MYO18B: variants seen among roughly 807,000 people sequenced by gnomAD.
MYO18B encodes unconventional myosin-XVIIIb.
MYO18B carries 204 observed loss-of-function variants against 273.0 expected under a neutral mutation model. That is an observed-to-expected ratio of 0.75 (90% confidence interval 0.67 to 0.84). The LOEUF (loss-of-function observed/expected upper bound fraction) is 0.84. Ranked by LOEUF, MYO18B falls within the 40% of genes least tolerant of loss-of-function variation. MYO18B has a pLI of 0.00. For synonymous variants in MYO18B, 1,330 were observed against 1,305.7 expected (o/e 1.02, Z -0.40); for missense variants, 3,212 against 3,287.6 (o/e 0.98, Z 0.56).
chr22:25,763,573 C>T (rs1334053122), intron 3 of MYO18B, among the ~76,000 whole-genome samples, 184 bp downstream of exon 3: 3 of 152,228 alleles, frequency 2.0e-5, no homozygotes, highest in Non-Finnish European at 2.9e-5. Context: ...TCAAACAGCA[C>T]ATCTCTGGAA....
intron 22 of MYO18B, among the ~76,000 whole-genome samples, chr22:25,873,716 A>C (rs1480843008): frequency 6.6e-6 from 1 of 152,184 alleles, no homozygotes; most frequent in East Asian, 1.9e-4. Flanking sequence ...CTGGGATTAC[A>C]GGCATGAGCC....
intron 12 of MYO18B, among the ~76,000 whole-genome samples, chr22:25,808,689 G>A (rs1187320135): frequency 6.6e-6 from 1 of 152,156 alleles, no homozygotes; most frequent in Non-Finnish European, 1.5e-5. Context: ...ATGGGGTCTG[G>A]AACCAGGCTG....
chr22:25,800,820 AC>A (rs1208940230), intron 12 of MYO18B, among the ~76,000 whole-genome samples: 1 of 152,196 alleles, frequency 6.6e-6, no homozygotes, highest in East Asian at 1.9e-4. Flanking sequence ...GGGCTCAAGG[AC>A]CTGACCCATC....
At chr22:25,821,246 C>A (rs984592435) in intron 12 of MYO18B, among the ~76,000 whole-genome samples, 2 of 151,494 alleles carry the variant, frequency 1.3e-5, no homozygotes, top group Admixed American at 1.3e-4. Context: ...AAAGTTCCTA[C>A]TGCTCTCCAT....
the MYO18B span, among the ~76,000 whole-genome samples, chr22:26,061,214 T>C: frequency 1.3e-5 from 2 of 152,188 alleles, no homozygotes; most frequent in Admixed American, 6.5e-5. Flanking sequence ...TGATATCCCA[T>C]GGTTGTTAGT....
chr22:25,773,120 A>G (rs1189053951), intron 7 of MYO18B, among the ~76,000 whole-genome samples: 1 of 152,148 alleles, frequency 6.6e-6, no homozygotes, highest in Non-Finnish European at 1.5e-5. Context: ...GGAAATCTCT[A>G]AGCGCCACCT....
chr22:25,831,422 G>A (rs907209617), intron 15 of MYO18B, among the ~76,000 whole-genome samples: 1 of 152,000 alleles, frequency 6.6e-6, no homozygotes, highest in African/African-American at 2.4e-5. Flanking sequence ...CGCTCTTGTC[G>A]CCCAGGCTGG....
At chr22:25,875,214 C>T (rs1451779649) in intron 23 of MYO18B, among the ~76,000 whole-genome samples, 1 of 152,210 alleles carries the variant, frequency 6.6e-6, no homozygotes, top group African/African-American at 2.4e-5. Flanking sequence ...GTTTCAGACC[C>T]TGGGCTCTGC....
intron 25 of MYO18B, among the ~76,000 whole-genome samples, chr22:25,889,796 C>A (rs1379460928): frequency 6.6e-6 from 1 of 152,002 alleles, no homozygotes; most frequent in Non-Finnish European, 1.5e-5. Context: ...GAAAAAAAAA[C>A]CAGTGCAGGT....
chr22:25,751,728 C>T (rs2085934974), intron 1 of MYO18B, among the ~76,000 whole-genome samples: 1 of 152,100 alleles, frequency 6.6e-6, no homozygotes, highest in Non-Finnish European at 1.5e-5. Context: ...AATGAAATTC[C>T]AGGTCCAGTA....
Position 25,955,223 on chromosome 22 carries a change from G to A in MYO18B, c.6015G>A (p.Glu2005=). The change falls in exon 39 of 44, where the codon GAG becomes GAA. Residue 2005 remains glutamate, a synonymous_variant. Coordinates refer to ENST00000335473, the MANE Select transcript of MYO18B (RefSeq NM_032608.7). ...GGGACAGCCTGATCAAGATGGGGGA[G>A]GAGCTTTCACAGGCGGCCACCTCCG... is the stretch of plus-strand genomic sequence containing the variant. The part of the protein sequence containing the change: ...RLRDSLIKMG[E]ELSQAATSES... 6.2e-6 allele frequency: 10 copies of A among 1,613,228 alleles called. No homozygotes were observed. The highest frequency in any genetic ancestry group is 8.5e-6 in the Non-Finnish European group (10 of 1,179,658).
intron 31 of MYO18B, among the ~76,000 whole-genome samples, chr22:25,904,963 C>T (rs1487240723): frequency 1.3e-5 from 2 of 150,646 alleles, no homozygotes; most frequent in Non-Finnish European, 3.0e-5. Context: ...AAAAAAATTT[C>T]TAGGGGAAGT....
At chr22:25,761,171 G>A (rs781173225) in intron 2 of MYO18B, 40 bp downstream of exon 2, 1 of 1,609,668 alleles carries the variant, frequency 6.2e-7, no homozygotes, top group Admixed American at 1.7e-5. Context: ...CCATCTGCAG[G>A]GACTGACTCG....
In MYO18B at chr22:25,902,681, C is replaced by T. The variant is rs767408104; in HGVS notation, c.4892C>T (p.Thr1631Ile). ...VFEKGLREKV[T>I]QENTSVRWEL... ...GAGAAGGGTCTCCGTGAGAAAGTGA[C>T]CCAGGAGAACACCAGTGTCCGGTGG... The change falls in exon 30 of 44, where the codon ACC becomes ATC. Residue 1631 changes from threonine to isoleucine, a missense_variant. Transcript: ENST00000335473. The T allele has an allele frequency of 5.6e-6, 9 of 1,597,166 alleles. No individual in the cohort carries two copies. Among genetic ancestry groups the T allele is most frequent in the Admixed American group, 1.7e-5 (1 of 58,024 alleles).
At position 25,876,177 on chromosome 22, in the gene MYO18B, C is replaced by T. The variant is rs1401934983; in HGVS notation, c.4081-12C>T. 2 of 1,608,960 alleles carry T rather than the reference C, an allele frequency of 1.2e-6. No homozygotes were observed. The highest frequency in any genetic ancestry group is 2.7e-5 in the African/African-American group (2 of 74,986). On this transcript the variant is annotated splice_polypyrimidine_tract_variant and intron_variant, in intron 23 of 43. Transcript: ENST00000335473. ...GAAAGGACCCTCCAGTCTGTGTTCT[C>T]CTTCCCTGCAGATTCGCCGACTGGC...
chr22:25,791,337 T>TA lies in MYO18B; in HGVS notation c.2376+5849dup, dbSNP rs146858717. ...CTACACTGAGCACCTGATGCAAAGG[T>TA]AAACATGAATGGCCAGCCAAAGCAA... is the stretch of plus-strand genomic sequence containing the variant. On this transcript the variant is annotated intron_variant, in intron 11 of 43. Transcript: ENST00000335473. 1.1e-4 allele frequency among the ~76,000 whole-genome samples: 16 copies of TA among 152,258 alleles called. No homozygotes were observed. In the East Asian group the frequency reaches 3.1e-3, roughly 29 times the overall value.
chr22:25,936,172 A>G (rs2092575857), intron 34 of MYO18B, among the ~76,000 whole-genome samples: 1 of 152,108 alleles, frequency 6.6e-6, no homozygotes, highest in Admixed American at 6.5e-5. Flanking sequence ...TGAGACGGGG[A>G]TCGGGGAGGG....
intron 43 of MYO18B, among the ~76,000 whole-genome samples, chr22:26,028,876 A>T (rs1316682131): frequency 2.9e-5 from 4 of 137,320 alleles, no homozygotes; most frequent in Non-Finnish European, 6.1e-5. Flanking sequence ...CGACAGAGCG[A>T]GACTCCGTCT....
At chr22:25,913,454 C>A (rs984305162) in intron 33 of MYO18B, among the ~76,000 whole-genome samples, 6 of 152,232 alleles carry the variant, frequency 3.9e-5, no homozygotes, top group African/African-American at 1.4e-4. Flanking sequence ...AGCTCCGCTT[C>A]CTGGGTTCAT....
Sources: allele counts gnomAD v4.1 joint callset (sites outside exome capture counted in the v4.1 genomes callset), GRCh38; gene constraint gnomAD v4.1.1; transcripts MANE v1.5; gene names NCBI Gene and HGNC (gene_info 2026-07-23, HGNC 2026-07-21).